FHIT: variants seen among roughly 807,000 people sequenced by gnomAD.
The protein encoded by FHIT is fragile histidine triad diadenosine triphosphatase.
A neutral mutation model predicts 17.9 loss-of-function variants in FHIT; 19 were observed. The ratio of observed to expected loss-of-function variants is 1.06; its 90% CI spans 0.74 to 1.56. The LOEUF is 1.56. Among genes scored for constraint, FHIT ranks in the 40% most tolerant of loss-of-function variants. The probability of loss-of-function intolerance (pLI) is 0.00; values close to 1 mark genes in which losing one functional copy is unlikely to be tolerated. For missense variants in FHIT, 248 were observed against 189.2 expected, an observed-to-expected ratio of 1.31 and a Z score of -1.82; for synonymous variants, 81 against 69.7, an observed-to-expected ratio of 1.16 and a Z score of -0.81.
At chr3:60,870,109 T>C (rs989950085) in intron 3 of FHIT, among the ~76,000 whole-genome samples, 1 of 152,194 alleles carries the variant, frequency 6.6e-6, no homozygotes, top group Non-Finnish European at 1.5e-5. Flanking sequence ...GTCTGACATA[T>C]AAATTCACCT....
rs34525181 is a variant in FHIT at position 60,912,054 on chromosome 3, TACAC to T, written c.-110-90047_-110-90044del. Among the ~76,000 whole-genome samples the T allele has an allele frequency of 2.7e-4, 41 of 150,366 alleles. 1 individual carries two copies. The highest frequency in any genetic ancestry group is 8.4e-4 in the South Asian group (4 of 4,734). On this transcript the variant is annotated intron_variant, in intron 3 of 9. Transcript: ENST00000492590. Reference sequence around the variant, plus strand: ...CCTCTGCCTTACACACACACACACATACACACACACACACACACGTACACACACA... The same window carrying T: ...CCTCTGCCTTACACACACACACACATACACACACACACACGTACACACACA...
chr3:61,098,954 ATGTTGAATG>A (rs1284318870), intron 2 of FHIT, among the ~76,000 whole-genome samples: 2 of 152,102 alleles, frequency 1.3e-5, no homozygotes, highest in South Asian at 4.2e-4. Context: ...TTCTAACACT[ATGTTGAATG>A]GATGTGGTGA....
rs1273762161 is a variant in FHIT, at chr3:61,207,370, A to T, written c.-212-6705T>A. Among the ~76,000 whole-genome samples, 3 of 152,210 alleles carry T rather than the reference A, an allele frequency of 2.0e-5. No homozygotes were observed. In the East Asian group the frequency reaches 5.8e-4, roughly 29 times the overall value. On this transcript the variant is annotated intron_variant, in intron 1 of 9. Transcript: ENST00000492590. The stretch of plus-strand genomic sequence containing the variant: ...GGGAGGATTTCCTCTTTTTCTATTG[A>T]CTGGAATAGTTTCAGAAGAACTGGT...
intron 4 of FHIT, among the ~76,000 whole-genome samples, chr3:60,770,182 G>T (rs1226878365): frequency 6.6e-6 from 1 of 152,016 alleles, no homozygotes; most frequent in East Asian, 1.9e-4. Flanking sequence ...GGGTTTCCTG[G>T]ATAGAATTAC....
chr3:60,437,433 G>A (rs1393809590), intron 5 of FHIT, among the ~76,000 whole-genome samples: 1 of 152,098 alleles, frequency 6.6e-6, no homozygotes, highest in Non-Finnish European at 1.5e-5. Context: ...AGCAAGTAAA[G>A]CTCCATTTAT....
At chr3:59,815,110 T>C (rs146899992) in intron 8 of FHIT, among the ~76,000 whole-genome samples, 1 of 152,330 alleles carries the variant, frequency 6.6e-6, no homozygotes, top group Non-Finnish European at 1.5e-5. Context: ...AATTAAGAGT[T>C]GGCCCATCCC....
At chr3:60,610,911 A>G (rs533184414) in intron 4 of FHIT, among the ~76,000 whole-genome samples, 5 of 152,308 alleles carry the variant, frequency 3.3e-5, no homozygotes, top group African/African-American at 4.8e-5. Context: ...CCCTGGCTCC[A>G]GTCCCAGCTT....
intron 5 of FHIT, among the ~76,000 whole-genome samples, chr3:60,299,975 C>T (rs1708380040): frequency 6.6e-6 from 1 of 152,092 alleles, no homozygotes; most frequent in Non-Finnish European, 1.5e-5. Context: ...CAGGCTTTCG[C>T]TGTAACCTTT....
At chr3:59,773,603 C>A (rs1196533460) in intron 8 of FHIT, among the ~76,000 whole-genome samples, 2 of 152,148 alleles carry the variant, frequency 1.3e-5, no homozygotes, top group African/African-American at 4.8e-5. Context: ...CCTCTTTTCA[C>A]GAAGCCTTCC....
intron 5 of FHIT, among the ~76,000 whole-genome samples, chr3:60,462,207 A>T (rs940602248): frequency 2.0e-5 from 3 of 152,210 alleles, no homozygotes; most frequent in Admixed American, 2.0e-4. Flanking sequence ...CCATGCAGTA[A>T]GCCCATTCTA....
intron 5 of FHIT, among the ~76,000 whole-genome samples, chr3:60,159,169 G>A (rs1403323364): frequency 1.3e-5 from 2 of 152,098 alleles, no homozygotes; most frequent in African/African-American, 4.8e-5. Flanking sequence ...TGCCCAGGCG[G>A]GAGTGCAGTA....
intron 5 of FHIT, among the ~76,000 whole-genome samples, chr3:60,310,483 C>CCCTAGG (rs1391278225): frequency 6.6e-6 from 1 of 152,074 alleles, no homozygotes. Flanking sequence ...ATTTCCCCCA[C>CCCTAGG]CCTAGGCCTA....
At position 60,347,251 on chromosome 3, in the gene FHIT, C is replaced by T. The variant is rs115528405; in HGVS notation, c.103+189609G>A. Among the ~76,000 whole-genome samples, 954 of 152,190 alleles carry T rather than the reference C, an allele frequency of 6.3e-3. 8 individuals are homozygous for T. Among genetic ancestry groups the T allele is most frequent in the Non-Finnish European group, 9.8e-3 (664 of 67,998 alleles). ...AGCCATTTACTTAATGGATGAGTCT[C>T]ATTAGCAGTCCAACCACAATATAAA... On this transcript the variant is annotated intron_variant, in intron 5 of 9. Coordinates refer to ENST00000492590, the MANE Select transcript of FHIT (RefSeq NM_002012.4).
At chr3:60,525,980 G>A (rs149880716) in intron 5 of FHIT, among the ~76,000 whole-genome samples, 1 of 151,422 alleles carries the variant, frequency 6.6e-6, no homozygotes, top group African/African-American at 2.4e-5. Context: ...GCCCACACCT[G>A]TAGTCCCAGC....
chr3:60,838,251 T>C (rs1702601818), intron 3 of FHIT, among the ~76,000 whole-genome samples: 1 of 152,172 alleles, frequency 6.6e-6, no homozygotes, highest in African/African-American at 2.4e-5. Flanking sequence ...GGCAGGCGGA[T>C]TGCCTGAGCT....
At chr3:60,060,398 T>G (rs1702251559) in intron 5 of FHIT, among the ~76,000 whole-genome samples, 1 of 152,216 alleles carries the variant, frequency 6.6e-6, no homozygotes, top group Admixed American at 6.5e-5. Context: ...AAAACTATCT[T>G]TTTAAATATG....
At chr3:59,936,379 T>C (rs1706240755) in intron 7 of FHIT, among the ~76,000 whole-genome samples, 1 of 152,218 alleles carries the variant, frequency 6.6e-6, no homozygotes, top group Non-Finnish European at 1.5e-5. Context: ...GAAACAATGA[T>C]AGCATTTTTC....
chr3:60,539,334 C>T (rs2036098405), intron 4 of FHIT, among the ~76,000 whole-genome samples: 1 of 152,204 alleles, frequency 6.6e-6, no homozygotes, highest in Non-Finnish European at 1.5e-5. Flanking sequence ...AACACTTTTA[C>T]ACTGTTGCTG....
intron 5 of FHIT, among the ~76,000 whole-genome samples, chr3:60,295,295 G>T (rs530303709): frequency 6.6e-6 from 1 of 152,072 alleles, no homozygotes; most frequent in Non-Finnish European, 1.5e-5. Flanking sequence ...CTGAAACTGG[G>T]TAACTTACAA....
Sources: gnomAD v4.1 joint callset for allele counts (sites outside exome capture counted in the v4.1 genomes callset) on GRCh38, gnomAD v4.1.1 for gene constraint, MANE v1.5 for transcripts, NCBI Gene and HGNC (gene_info 2026-07-23, HGNC 2026-07-21) for gene names.